ULK4: variants seen among roughly 807,000 people sequenced by gnomAD.
ULK4 encodes inactive serine/threonine-protein kinase ULK4.
Under a neutral mutation model 160.6 loss-of-function variants are expected in ULK4, and 133 were observed. The observed-to-expected ratio is 0.83, with a 90% CI of 0.72 to 0.96. The LOEUF (loss-of-function observed/expected upper bound fraction) is 0.96, where lower values mean the gene tolerates loss of function less well. Ranked by LOEUF, ULK4 falls within the 40% of genes least tolerant of loss-of-function variation. The probability of loss-of-function intolerance (pLI) is 0.00; values close to 1 mark genes in which losing one functional copy is unlikely to be tolerated. For missense variants in ULK4, 1,580 were observed against 1,499.5 expected, an observed-to-expected ratio of 1.05 and a Z score of -0.89; for synonymous variants, 534 against 539.8, an observed-to-expected ratio of 0.99 and a Z score of 0.15.
At chr3:41,821,342 C>G (rs923199782) in intron 18 of ULK4, among the ~76,000 whole-genome samples, 10 of 138,558 alleles carry the variant, frequency 7.2e-5, no homozygotes, top group African/African-American at 3.1e-4. Flanking sequence ...ACATCCATCT[C>G]CAGACCTACT....
intron 34 of ULK4, among the ~76,000 whole-genome samples, chr3:41,417,660 C>A (rs2082558086): frequency 6.6e-6 from 1 of 152,114 alleles, no homozygotes; most frequent in Non-Finnish European, 1.5e-5. Context: ...ATCTAGGCAG[C>A]AGGAACAAGA....
chr3:41,716,151 T>G (rs1467640674), intron 23 of ULK4, among the ~76,000 whole-genome samples: 1 of 150,638 alleles, frequency 6.6e-6, no homozygotes, highest in Non-Finnish European at 1.5e-5. Flanking sequence ...AGGTGAAGGT[T>G]GCAGTGAGCT....
intron 30 of ULK4, among the ~76,000 whole-genome samples, chr3:41,616,679 G>A (rs1236857700): frequency 6.6e-6 from 1 of 152,176 alleles, no homozygotes; most frequent in African/African-American, 2.4e-5. Flanking sequence ...AAGGTCCTGG[G>A]TTTCAAGCAC....
At chr3:41,617,626 C>T (rs2033040307) in intron 30 of ULK4, among the ~76,000 whole-genome samples, 1 of 152,164 alleles carries the variant, frequency 6.6e-6, no homozygotes, top group South Asian at 2.1e-4. Context: ...GGTCATCAGC[C>T]TCAAAGATCA....
chr3:41,801,669 GC>G (rs1239338975), intron 19 of ULK4, among the ~76,000 whole-genome samples: 5 of 151,966 alleles, frequency 3.3e-5, no homozygotes, highest in Admixed American at 6.6e-5. Context: ...GGGCAACATA[GC>G]AAGACCTTTT....
chr3:41,438,522 T>C (rs2083087153), intron 34 of ULK4, among the ~76,000 whole-genome samples: 1 of 152,128 alleles, frequency 6.6e-6, no homozygotes, highest in Admixed American at 6.5e-5. Flanking sequence ...GGGTCAGGAA[T>C]GGAACAAACA....
chr3:41,574,651 C>T (rs1264065488), intron 31 of ULK4, among the ~76,000 whole-genome samples: 1 of 149,866 alleles, frequency 6.7e-6, no homozygotes, highest in African/African-American at 2.4e-5. Flanking sequence ...ATGCCATTCT[C>T]CTGCCTCAGC....
At chr3:41,868,088 A>G (rs1301517971) in intron 17 of ULK4, among the ~76,000 whole-genome samples, 1 of 152,234 alleles carries the variant, frequency 6.6e-6, no homozygotes, top group African/African-American at 2.4e-5. Context: ...AAGGTATTGT[A>G]TAATCGTGGG....
intron 29 of ULK4, among the ~76,000 whole-genome samples, chr3:41,671,826 A>AG (rs1169372280): frequency 2.0e-5 from 3 of 152,044 alleles, no homozygotes; most frequent in African/African-American, 7.2e-5. Context: ...CACAACCAAG[A>AG]GGGGAACTAA....
At chr3:41,574,096 T>C (rs919118383) in intron 31 of ULK4, among the ~76,000 whole-genome samples, 2 of 152,144 alleles carry the variant, frequency 1.3e-5, no homozygotes, top group Non-Finnish European at 2.9e-5. Flanking sequence ...GCAGAATTGC[T>C]TGACCTCAAA....
At chr3:41,384,867 G>A (rs1025271160) in intron 35 of ULK4, among the ~76,000 whole-genome samples, 5 of 152,138 alleles carry the variant, frequency 3.3e-5, no homozygotes, top group Non-Finnish European at 7.4e-5. Flanking sequence ...TTACAGGCGT[G>A]AGCCACTGCA....
At chr3:41,644,266 G>A (rs1380611895) in intron 30 of ULK4, among the ~76,000 whole-genome samples, 2 of 151,756 alleles carry the variant, frequency 1.3e-5, no homozygotes, top group Admixed American at 6.6e-5. Context: ...TCCCTGTCTT[G>A]TGCCAGTTTT....
intron 30 of ULK4, among the ~76,000 whole-genome samples, chr3:41,652,066 G>A (rs1456647860): frequency 6.6e-6 from 1 of 152,138 alleles, no homozygotes; most frequent in Non-Finnish European, 1.5e-5. Context: ...AGTTGTCCCT[G>A]ACAGCAGAGA....
chr3:41,690,083 C>T (rs1241339039), intron 27 of ULK4, among the ~76,000 whole-genome samples: 45 of 146,940 alleles, frequency 3.1e-4, no homozygotes, highest in African/African-American at 1.1e-3. Context: ...AAATGTGGCA[C>T]ATATACACCA....
intron 18 of ULK4, among the ~76,000 whole-genome samples, chr3:41,821,807 C>T (rs369720800): frequency 9.9e-5 from 15 of 152,234 alleles, no homozygotes; most frequent in East Asian, 3.9e-4. Context: ...TCCAATATGA[C>T]GACTTCTATC....
chr3:41,637,068 G>T (rs1211619200), intron 30 of ULK4, among the ~76,000 whole-genome samples: 3 of 152,006 alleles, frequency 2.0e-5, no homozygotes, highest in Non-Finnish European at 4.4e-5. Flanking sequence ...TCTTCTTGTG[G>T]TGAGAATACT....
chr3:41,559,035 C>T (rs368593965), intron 32 of ULK4, among the ~76,000 whole-genome samples: 1 of 141,176 alleles, frequency 7.1e-6, no homozygotes, highest in Non-Finnish European at 1.5e-5. Context: ...CCTACCCCCA[C>T]CCCACAACAG....
intron 25 of ULK4, among the ~76,000 whole-genome samples, chr3:41,709,345 G>T (rs537719134): frequency 6.6e-6 from 1 of 152,112 alleles, no homozygotes; most frequent in South Asian, 2.1e-4. Context: ...ATTCTTTTTT[G>T]GTCTACAAAT....
chr3:41,792,813 G>A (rs1041620412), intron 20 of ULK4, among the ~76,000 whole-genome samples: 5 of 152,188 alleles, frequency 3.3e-5, no homozygotes, highest in African/African-American at 1.2e-4. Context: ...TGTATTTTCT[G>A]AATCAAAAGA....
Sources: allele counts gnomAD v4.1 joint callset (sites outside exome capture counted in the v4.1 genomes callset), GRCh38; gene constraint gnomAD v4.1.1; transcripts MANE v1.5; gene names NCBI Gene and HGNC (gene_info 2026-07-23, HGNC 2026-07-21).